GALNS: variants seen among roughly 807,000 people sequenced by gnomAD.
GALNS encodes the protein N-acetylgalactosamine-6-sulfatase.
In GALNS, 65 loss-of-function variants were observed where a neutral mutation model predicts 65.9. That is an observed-to-expected ratio of 0.99 (90% CI 0.81 to 1.21). The LOEUF is 1.21. GALNS is among the 50% of genes most tolerant of loss of function. The pLI is 0.00. For missense variants in GALNS, 776 were observed against 700.7 expected (o/e 1.11, Z -1.21); for synonymous variants, 346 against 288.9 (o/e 1.20, Z -2.00).
intron 8 of GALNS, among the ~76,000 whole-genome samples, chr16:88,833,726 A>G (rs1911767817): frequency 6.6e-6 from 1 of 152,160 alleles, no homozygotes; most frequent in Non-Finnish European, 1.5e-5. Flanking sequence ...CTGGGATTAC[A>G]GGTGTGAGCC....
At chr16:88,853,969 G>C (rs576412120) in intron 1 of GALNS, among the ~76,000 whole-genome samples, 13 of 152,308 alleles carry the variant, frequency 8.5e-5, no homozygotes, top group African/African-American at 3.1e-4. Context: ...GTGGCTTCTG[G>C]CCATGAGGGG....
chr16:88,842,326 A>T (rs1967013894), intron 2 of GALNS: 4 of 503,388 alleles, frequency 7.9e-6, no homozygotes, highest in African/African-American at 1.9e-5. Context: ...GATCAACACC[A>T]CATGTTTCTG....
intron 10 of GALNS, 140 bp downstream of exon 10, chr16:88,826,560 CCT>C: frequency 9.9e-7 from 1 of 1,009,344 alleles, no homozygotes; most frequent in Non-Finnish European, 1.4e-6. Context: ...CTCAGGCACC[CCT>C]GCCTCCTCCT....
At chr16:88,822,752 C>A in intron 11 of GALNS, 42 bp from the exon 12 acceptor site, 2 of 1,603,152 alleles carry the variant, frequency 1.2e-6, no homozygotes, top group Non-Finnish European at 1.7e-6. Context: ...AGCCCCTGAC[C>A]TGCGGCCGTG....
At chr16:88,825,892 G>A (rs1164885641) in intron 10 of GALNS, among the ~76,000 whole-genome samples, 2 of 152,162 alleles carry the variant, frequency 1.3e-5, no homozygotes, top group Non-Finnish European at 1.5e-5. Context: ...GCTGCCTTGG[G>A]CCGTCCCCAC....
intron 12 of GALNS, among the ~76,000 whole-genome samples, chr16:88,820,837 A>AG (rs1335241609): frequency 4.6e-5 from 7 of 152,224 alleles, no homozygotes; most frequent in African/African-American, 1.7e-4. Flanking sequence ...TGGAGCGACC[A>AG]GCCTGTGGGG....
At chr16:88,830,316 G>T (rs1567525229) in intron 9 of GALNS, among the ~76,000 whole-genome samples, 1 of 151,962 alleles carries the variant, frequency 6.6e-6, no homozygotes, top group African/African-American at 2.4e-5. Context: ...CGGTGGAGGG[G>T]CCAGGAGCTC....
At chr16:88,842,271 A>C in intron 2 of GALNS, 2 of 543,000 alleles carry the variant, frequency 3.7e-6, no homozygotes, top group Non-Finnish European at 6.7e-6. Flanking sequence ...ACACGCCCCC[A>C]TCCTCGAGCA....
chr16:88,815,145 A>G, intron 13 of GALNS: 2 of 985,456 alleles, frequency 2.0e-6, no homozygotes, highest in Middle Eastern at 5.2e-4. Flanking sequence ...GCTCCCCAGG[A>G]ATCATGGGAA....
At chr16:88,852,571 T>A (rs753878278) in intron 1 of GALNS, among the ~76,000 whole-genome samples, 18 of 152,200 alleles carry the variant, frequency 1.2e-4, no homozygotes, top group Non-Finnish European at 2.5e-4. Context: ...AGAAAGTCGG[T>A]AATAACCAAC....
chr16:88,828,782 G>A (rs953816006), intron 9 of GALNS, among the ~76,000 whole-genome samples: 1 of 152,238 alleles, frequency 6.6e-6, no homozygotes, highest in African/African-American at 2.4e-5. Context: ...AACCCACTAC[G>A]CATGGAGCCG....
At chr16:88,850,491 A>T (rs556118210) in intron 1 of GALNS, among the ~76,000 whole-genome samples, 1 of 152,298 alleles carries the variant, frequency 6.6e-6, no homozygotes, top group Admixed American at 6.5e-5. Context: ...CTCACCAGAA[A>T]ATACTGCGGG....
At chr16:88,827,411 T>C (rs1019240427) in intron 9 of GALNS, among the ~76,000 whole-genome samples, 2 of 152,206 alleles carry the variant, frequency 1.3e-5, no homozygotes, top group African/African-American at 2.4e-5. Flanking sequence ...GAGCGTGCCA[T>C]CTGGCTTCCC....
intron 12 of GALNS, among the ~76,000 whole-genome samples, chr16:88,820,207 C>T (rs1338317452): frequency 6.6e-6 from 1 of 152,142 alleles, no homozygotes; most frequent in Non-Finnish European, 1.5e-5. Context: ...CAGCTCACTG[C>T]AACCTCCGCC....
chr16:88,850,110 G>A (rs1366787885), intron 1 of GALNS, among the ~76,000 whole-genome samples: 1 of 152,248 alleles, frequency 6.6e-6, no homozygotes, highest in African/African-American at 2.4e-5. Context: ...ACTTCCTGCT[G>A]TCTCCAGTCC....
At chr16:88,849,160 G>A (rs1213166296) in intron 1 of GALNS, among the ~76,000 whole-genome samples, 6 of 152,188 alleles carry the variant, frequency 3.9e-5, no homozygotes, top group Non-Finnish European at 8.8e-5. Context: ...TGACAAACAG[G>A]CTGAAGTACA....
intron 1 of GALNS, among the ~76,000 whole-genome samples, chr16:88,853,706 C>T (rs149369543): frequency 1.8e-4 from 27 of 152,304 alleles, no homozygotes; most frequent in Middle Eastern, 3.4e-3. Flanking sequence ...GAGTGGGCCA[C>T]GCAGGTTTCC....
intron 13 of GALNS, chr16:88,815,469 G>C: frequency 1.0e-6 from 1 of 985,478 alleles, no homozygotes; most frequent in Non-Finnish European, 1.2e-6. Context: ...CCATCGCCTG[G>C]GTGTGTGTGG....
chr16:88,847,177 C>G (rs1967284475), intron 1 of GALNS, among the ~76,000 whole-genome samples: 1 of 152,032 alleles, frequency 6.6e-6, no homozygotes, highest in Non-Finnish European at 1.5e-5. Context: ...CGTTGACCAG[C>G]CTGGGCAACA....
Sources: gnomAD v4.1 joint callset for allele counts (sites outside exome capture counted in the v4.1 genomes callset) on GRCh38, gnomAD v4.1.1 for gene constraint, MANE v1.5 for transcripts, NCBI Gene and HGNC (gene_info 2026-07-23, HGNC 2026-07-21) for gene names.